SCAPER: variants seen among roughly 807,000 people sequenced by gnomAD.
SCAPER encodes the protein S phase cyclin A-associated protein in the endoplasmic reticulum.
In SCAPER, 98 loss-of-function variants were observed where a neutral mutation model predicts 182.2. The observed-to-expected ratio is 0.54, with a 90% CI of 0.46 to 0.64. The LOEUF (loss-of-function observed/expected upper bound fraction) is 0.64, where lower values mean the gene tolerates loss of function less well. Among genes scored for constraint, SCAPER ranks in the 30% least tolerant of loss-of-function variants. The pLI is 0.00. For synonymous variants in SCAPER, 605 were observed against 564.6 expected, an observed-to-expected ratio of 1.07 and a Z score of -1.01; for missense variants, 1,432 against 1,690.0, an observed-to-expected ratio of 0.85 and a Z score of 2.68.
intron 7 of SCAPER, among the ~76,000 whole-genome samples, chr15:76,799,975 T>C (rs1277838915): frequency 6.6e-6 from 1 of 151,668 alleles, no homozygotes; most frequent in Non-Finnish European, 1.5e-5. Context: ...AGTCAGCATA[T>C]GACTCACCAA....
intron 27 of SCAPER, among the ~76,000 whole-genome samples, chr15:76,384,204 G>T (rs888427536): frequency 3.9e-5 from 6 of 152,200 alleles, no homozygotes; most frequent in Non-Finnish European, 8.8e-5. Flanking sequence ...ATTTCTAATA[G>T]GTTTTCAGAA....
intron 26 of SCAPER, among the ~76,000 whole-genome samples, chr15:76,410,823 T>C (rs2142212446): frequency 6.6e-6 from 1 of 152,248 alleles, no homozygotes; most frequent in African/African-American, 2.4e-5. Context: ...GTTACCTTAT[T>C]TGAGAAGATC....
chr15:76,787,522 C>T (rs2064697681), intron 8 of SCAPER, among the ~76,000 whole-genome samples: 1 of 152,078 alleles, frequency 6.6e-6, no homozygotes, highest in Non-Finnish European at 1.5e-5. Flanking sequence ...GGCAAGGTCT[C>T]ACTATGTTGC....
chr15:76,861,095 G>A (rs143034311), intron 3 of SCAPER, among the ~76,000 whole-genome samples: 2,015 of 152,092 alleles, frequency 0.013, 25 homozygotes, highest in Middle Eastern at 0.02. Context: ...ATATTAGAAG[G>A]CTAACAAATG....
chr15:76,800,945 C>T (rs1362021201), intron 6 of SCAPER, among the ~76,000 whole-genome samples: 1 of 152,240 alleles, frequency 6.6e-6, no homozygotes, highest in Non-Finnish European at 1.5e-5. Context: ...AATTGGCTTA[C>T]AGGATGCATA....
At chr15:76,778,021 GAT>G (rs2063848813) in intron 8 of SCAPER, among the ~76,000 whole-genome samples, 1 of 152,108 alleles carries the variant, frequency 6.6e-6, no homozygotes, top group African/African-American at 2.4e-5. Context: ...ATACTATACT[GAT>G]AGTGAAAAAC....
intron 23 of SCAPER, among the ~76,000 whole-genome samples, chr15:76,532,446 C>T (rs1042899802): frequency 1.3e-5 from 2 of 151,860 alleles, no homozygotes; most frequent in East Asian, 1.9e-4. Context: ...AAATGATCCT[C>T]GTGCCTTGGC....
chr15:76,609,714 G>C (rs2050804458), intron 22 of SCAPER, among the ~76,000 whole-genome samples: 2 of 152,198 alleles, frequency 1.3e-5, no homozygotes. Flanking sequence ...ATTTTTGAAA[G>C]ATGGACATGA....
chr15:76,480,602 C>A (rs1030488791), intron 24 of SCAPER, among the ~76,000 whole-genome samples: 4 of 152,260 alleles, frequency 2.6e-5, no homozygotes, highest in Admixed American at 6.5e-5. Flanking sequence ...ACCCCTCATA[C>A]TGTGCAGCAC....
At chr15:76,875,221 C>A (rs572761813) in intron 2 of SCAPER, among the ~76,000 whole-genome samples, 2 of 152,050 alleles carry the variant, frequency 1.3e-5, no homozygotes, top group African/African-American at 4.8e-5. Context: ...GAAGAAAAAA[C>A]ACATTTTATG....
chr15:76,840,228 G>A (rs758133652), intron 5 of SCAPER, among the ~76,000 whole-genome samples: 2 of 152,000 alleles, frequency 1.3e-5, no homozygotes, highest in African/African-American at 4.8e-5. Context: ...GACTAGCCTG[G>A]GCAACATGAT....
intron 23 of SCAPER, among the ~76,000 whole-genome samples, chr15:76,515,178 G>A (rs573941538): frequency 2.6e-5 from 4 of 152,296 alleles, no homozygotes; most frequent in South Asian, 2.1e-4. Context: ...ATTCCTTTGC[G>A]ATGCTAATTG....
At chr15:76,528,618 C>T (rs1269323835) in intron 23 of SCAPER, among the ~76,000 whole-genome samples, 1 of 152,220 alleles carries the variant, frequency 6.6e-6, no homozygotes, top group Non-Finnish European at 1.5e-5. Flanking sequence ...CAATCCCTAT[C>T]GTCAGCTTAC....
intron 29 of SCAPER, among the ~76,000 whole-genome samples, chr15:76,370,272 C>A (rs1365522431): frequency 2.9e-5 from 4 of 139,860 alleles, no homozygotes; most frequent in African/African-American, 1.1e-4. Flanking sequence ...ATATGTATAA[C>A]ATATAATTTA....
In SCAPER at chr15:76,844,117, T is replaced by A. The variant is rs76223161; in HGVS notation, c.196-2186A>T. Reference sequence around the variant, plus strand: ...GCCAGAATTCTTAATCGGGTAACTATACTACTACTATGGCTTACTATGTCT... The same window carrying A: ...GCCAGAATTCTTAATCGGGTAACTAAACTACTACTATGGCTTACTATGTCT... On this transcript the variant is annotated intron_variant, in intron 4 of 31. Coordinates refer to ENST00000563290, the MANE Select transcript of SCAPER (RefSeq NM_020843.4). 2.6e-3 allele frequency among the ~76,000 whole-genome samples: 393 copies of A among 152,206 alleles called. 2 individuals are homozygous for A. The highest frequency in any genetic ancestry group is 9.1e-3 in the African/African-American group (377 of 41,526).
intron 19 of SCAPER, 72 bp from the exon 20 acceptor site, chr15:76,701,937 C>A: frequency 1.9e-6 from 2 of 1,037,772 alleles, no homozygotes; most frequent in Non-Finnish European, 3.0e-6. Context: ...ACATTCAGTC[C>A]AGTATATGAT....
intron 22 of SCAPER, among the ~76,000 whole-genome samples, chr15:76,616,813 T>C (rs1410986329): frequency 6.6e-6 from 1 of 152,132 alleles, no homozygotes; most frequent in African/African-American, 2.4e-5. Flanking sequence ...TGGGCCTCTA[T>C]CATTTTAATG....
intron 2 of SCAPER, among the ~76,000 whole-genome samples, chr15:76,863,872 C>T (rs1652530694): frequency 6.6e-6 from 1 of 152,148 alleles, no homozygotes; most frequent in Non-Finnish European, 1.5e-5. Flanking sequence ...CTCTTAAAAT[C>T]CAGCTGTCAT....
intron 8 of SCAPER, among the ~76,000 whole-genome samples, chr15:76,792,200 G>C (rs898909018): frequency 3.3e-5 from 5 of 151,910 alleles, no homozygotes; most frequent in African/African-American, 1.2e-4. Flanking sequence ...GTAATATTGA[G>C]GACTTTCATC....
Sources: gnomAD v4.1 joint callset for allele counts (sites outside exome capture counted in the v4.1 genomes callset) on GRCh38, gnomAD v4.1.1 for gene constraint, MANE v1.5 for transcripts, NCBI Gene and HGNC (gene_info 2026-07-23, HGNC 2026-07-21) for gene names.